PIK3CB: variants seen among roughly 807,000 people sequenced by gnomAD.
PIK3CB encodes the protein phosphatidylinositol-4,5-bisphosphate 3-kinase catalytic subunit beta, also known as phosphatidylinositol 4,5-bisphosphate 3-kinase catalytic subunit beta isoform.
A neutral mutation model predicts 136.8 loss-of-function variants in PIK3CB; 39 were observed. The ratio of observed to expected loss-of-function variants is 0.29; its 90% CI spans 0.22 to 0.37. The LOEUF (loss-of-function observed/expected upper bound fraction) is 0.37. Among genes scored for constraint, PIK3CB ranks in the 10% least tolerant of loss-of-function variants. The probability of loss-of-function intolerance (pLI) is 1.00; values close to 1 mark genes in which losing one functional copy is unlikely to be tolerated. For synonymous variants in PIK3CB, 428 were observed against 436.6 expected, an observed-to-expected ratio of 0.98 and a Z score of 0.25; for missense variants, 868 against 1,275.4, an observed-to-expected ratio of 0.68 and a Z score of 4.87.
chr3:138,677,551 A>G (rs2043673867), intron 19 of PIK3CB, among the ~76,000 whole-genome samples: 1 of 152,238 alleles, frequency 6.6e-6, no homozygotes, highest in Non-Finnish European at 1.5e-5. Context: ...AATTTATCCT[A>G]AAGTACCTAT....
At chr3:138,703,738 T>C (rs2044306709) in intron 12 of PIK3CB, among the ~76,000 whole-genome samples, 1 of 152,156 alleles carries the variant, frequency 6.6e-6, no homozygotes, top group African/African-American at 2.4e-5. Context: ...GAGACTACTA[T>C]TTGACCCTCA....
chr3:138,756,863 A>G (rs1424530424), intron 3 of PIK3CB, among the ~76,000 whole-genome samples: 4 of 152,356 alleles, frequency 2.6e-5, no homozygotes, highest in African/African-American at 9.6e-5. Flanking sequence ...ACTTCTGTAC[A>G]GCAAAAGACA....
chr3:138,784,604 A>AT (rs1197230478), intron 2 of PIK3CB, among the ~76,000 whole-genome samples: 1 of 151,920 alleles, frequency 6.6e-6, no homozygotes, highest in Non-Finnish European at 1.5e-5. Flanking sequence ...TGGTTTTTGT[A>AT]TTTTTTGGTG....
rs530732510 is a variant in PIK3CB, at chr3:138,732,145, C to T, written c.1050+1216G>A. 2.0e-5 allele frequency among the ~76,000 whole-genome samples: 3 copies of T among 152,266 alleles called. No homozygotes were observed. In the East Asian group the frequency reaches 5.8e-4, roughly 29 times the overall value. On this transcript the variant is annotated intron_variant, in intron 8 of 23. Transcript: ENST00000674063. The stretch of plus-strand genomic sequence containing the variant: ...CTTGCTACACAGTCAAGTAAATCAA[C>T]ATATCCATTACCACACACACTTTTC...
At position 138,712,197 on chromosome 3, in the gene PIK3CB, G is replaced by A. The variant is rs2044517078; in HGVS notation, c.1399+11C>T. On this transcript the variant is annotated intron_variant, in intron 10 of 23. Coordinates refer to ENST00000674063, the MANE Select transcript of PIK3CB (RefSeq NM_006219.3). ...ATGCTTTAACACTAAGGATAAGAAT[G>A]TAAATCTTACCAGGAAATGAAGACC... 1 of 1,380,040 alleles carries A rather than the reference G, an allele frequency of 7.2e-7. No individual in the cohort carries two copies. Among genetic ancestry groups the A allele is most frequent in the East Asian group, 2.4e-5 (1 of 41,946 alleles). 85.5% of individuals were successfully genotyped at this position (1,380,040 alleles called of 1,614,324 possible).
intron 10 of PIK3CB, among the ~76,000 whole-genome samples, chr3:138,708,594 T>A (rs1386844572): frequency 7.6e-5 from 2 of 26,288 alleles, no homozygotes; most frequent in African/African-American, 2.6e-4. Flanking sequence ...GAGGCAACTC[T>A]TTTTTTTTTT....
intron 2 of PIK3CB, among the ~76,000 whole-genome samples, chr3:138,785,002 C>T (rs1203055536): frequency 1.1e-4 from 16 of 152,058 alleles, no homozygotes; most frequent in African/African-American, 3.9e-4. Flanking sequence ...ACCCGGCAGC[C>T]GCCCCGTCTG....
At chr3:138,657,645 GA>G in intron 22 of PIK3CB, 44 bp downstream of exon 22, 2 of 1,558,170 alleles carry the variant, frequency 1.3e-6, no homozygotes, top group Non-Finnish European at 1.8e-6. Context: ...GGTCAGATAA[GA>G]AAATGTTAGA....
intron 14 of PIK3CB, among the ~76,000 whole-genome samples, chr3:138,694,382 T>G (rs1165858352): frequency 1.3e-5 from 2 of 152,116 alleles, no homozygotes; most frequent in Non-Finnish European, 2.9e-5. Flanking sequence ...GAAATAAAAG[T>G]GTTTGGGGTG....
intron 12 of PIK3CB, among the ~76,000 whole-genome samples, chr3:138,701,037 G>A (rs939321472): frequency 6.6e-6 from 1 of 152,004 alleles, no homozygotes; most frequent in Non-Finnish European, 1.5e-5. Context: ...GGTAAAAGCC[G>A]ATATTGCCTC....
At chr3:138,694,944 G>A (rs2108517937) in intron 13 of PIK3CB, 37 bp from the exon 14 acceptor site, 1 of 1,565,032 alleles carries the variant, frequency 6.4e-7, no homozygotes, top group Admixed American at 2.0e-5. Context: ...AAATAATGGG[G>A]GACAAAAGTA....
At chr3:138,799,405 T>C (rs1217297690) in intron 1 of PIK3CB, among the ~76,000 whole-genome samples, 2 of 151,960 alleles carry the variant, frequency 1.3e-5, no homozygotes, top group Non-Finnish European at 2.9e-5. Flanking sequence ...GGTCTTGAAC[T>C]CCTGACCTTG....
chr3:138,777,145 AGCCTTCTAT>A (rs1395872144), intron 2 of PIK3CB, among the ~76,000 whole-genome samples: 1 of 152,148 alleles, frequency 6.6e-6, no homozygotes, highest in Non-Finnish European at 1.5e-5. Flanking sequence ...TCACTGGCAT[AGCCTTCTAT>A]GCCCCCACCA....
At chr3:138,701,368 T>C (rs888780983) in intron 12 of PIK3CB, among the ~76,000 whole-genome samples, 1 of 152,098 alleles carries the variant, frequency 6.6e-6, no homozygotes, top group Non-Finnish European at 1.5e-5. Flanking sequence ...CTGGCTAAAT[T>C]TGAATAAAAT....
In PIK3CB at chr3:138,755,792, T is replaced by C; in HGVS notation, c.359A>G (p.Glu120Gly). ...GACTCCAATTTTTGAGTCTAATTTT[T>C]CCCCTGGGTCACAACTTCTTGTCAC... Reference protein sequence around the residue: ...KLVTRSCDPGEKLDSKIGVLI... With the variant: ...KLVTRSCDPGGKLDSKIGVLI... The change falls in exon 4 of 24, where the codon GAA becomes GGA. Residue 120 changes from glutamate to glycine, a missense_variant. Physicochemically the swap from Glu to Gly is moderately conservative, Grantham distance 98. This residue lies in a region of PIK3CB where 612 missense variants were observed against 801.1 expected (regional missense o/e 0.76). Transcript: ENST00000674063. 6.2e-7 allele frequency: 1 copy of C among 1,611,400 alleles called. No homozygotes were observed. The highest frequency in any genetic ancestry group is 8.5e-7 in the Non-Finnish European group (1 of 1,177,866).
chr3:138,743,135 C>T (rs188021015), intron 4 of PIK3CB, among the ~76,000 whole-genome samples: 1 of 152,104 alleles, frequency 6.6e-6, no homozygotes, highest in African/African-American at 2.4e-5. Flanking sequence ...ATTAATAAAT[C>T]ACATTTAAAA....
In PIK3CB at chr3:138,660,054, C is replaced by T. The variant is rs571925327; in HGVS notation, c.2797-2219G>A. ...GACTGAGTCTCTATTGTTTCTGGATCTTCTCTCTATTTATCATATTTTTTG... is the reference window on the plus strand; with the variant it reads ...GACTGAGTCTCTATTGTTTCTGGATTTTCTCTCTATTTATCATATTTTTTG... On this transcript the variant is annotated intron_variant, in intron 21 of 23. Coordinates refer to ENST00000674063, the MANE Select transcript of PIK3CB (RefSeq NM_006219.3). 2.0e-5 allele frequency among the ~76,000 whole-genome samples: 3 copies of T among 150,962 alleles called. No individual in the cohort carries two copies. In the South Asian group the frequency reaches 6.3e-4, roughly 32 times the overall value.
At chr3:138,831,236 C>T (rs1934020465) in intron 1 of PIK3CB, among the ~76,000 whole-genome samples, 1 of 147,682 alleles carries the variant, frequency 6.8e-6, no homozygotes, top group African/African-American at 2.5e-5. Flanking sequence ...CCAGGCTGGG[C>T]AACAGAGTGA....
chr3:138,793,723 G>C (rs1394945285), intron 2 of PIK3CB, among the ~76,000 whole-genome samples: 4 of 151,232 alleles, frequency 2.6e-5, no homozygotes, highest in African/African-American at 9.7e-5. Flanking sequence ...GTCATGAGAT[G>C]AGATTAAAGA....
Sources: allele counts gnomAD v4.1 joint callset (sites outside exome capture counted in the v4.1 genomes callset), GRCh38; gene constraint gnomAD v4.1.1; regional missense constraint gnomAD v4.1.1; transcripts MANE v1.5; gene names NCBI Gene and HGNC (gene_info 2026-07-23, HGNC 2026-07-21).